The following CRYL1 variants were observed in gnomAD, a reference collection of about 807,000 sequenced individuals.
CRYL1 encodes the protein crystallin lambda 1.
Under a neutral mutation model 36.6 loss-of-function variants are expected in CRYL1, and 29 were observed. The ratio of observed to expected loss-of-function variants is 0.79; its 90% CI spans 0.59 to 1.08. CRYL1 has a LOEUF of 1.08. Ranked by LOEUF, CRYL1 falls within the 50% of genes least tolerant of loss-of-function variation. The pLI, the probability that CRYL1 is intolerant of heterozygous loss-of-function variation, is 0.00. For missense variants in CRYL1, 411 were observed against 407.9 expected (o/e 1.01, Z -0.06); for synonymous variants, 152 against 151.5 (o/e 1.00, Z -0.02).
chr13:20,485,307 C>T (rs2033373709), intron 3 of CRYL1, among the ~76,000 whole-genome samples: 1 of 152,176 alleles, frequency 6.6e-6, no homozygotes, highest in Admixed American at 6.5e-5. Context: ...GTGTGGACCA[C>T]CACGCCCAGC....
intron 3 of CRYL1, among the ~76,000 whole-genome samples, chr13:20,467,652 C>A (rs10162275): frequency 5.9e-5 from 9 of 152,154 alleles, no homozygotes; most frequent in African/African-American, 2.2e-4. Flanking sequence ...CGAAACCCAT[C>A]GCTACTAAAA....
chr13:20,523,150 C>G (rs1401314719), intron 1 of CRYL1, among the ~76,000 whole-genome samples: 1 of 152,082 alleles, frequency 6.6e-6, no homozygotes, highest in African/African-American at 2.4e-5. Context: ...CCCCTGACCT[C>G]AGGTGATCTG....
At chr13:20,514,705 A>T (rs1227556446) in intron 1 of CRYL1, among the ~76,000 whole-genome samples, 9 of 152,206 alleles carry the variant, frequency 5.9e-5, no homozygotes, top group African/African-American at 2.2e-4. Context: ...TGGTTCATTA[A>T]TTGTTACAAA....
At chr13:20,496,844 CAAAAA>C (rs33925139) in intron 2 of CRYL1, among the ~76,000 whole-genome samples, 1 of 120,492 alleles carries the variant, frequency 8.3e-6, no homozygotes, top group Non-Finnish European at 1.6e-5. Context: ...GACCCCGTCT[CAAAAA>C]AAAAAAAAAA....
At chr13:20,449,383 TA>T (rs890688838) in intron 3 of CRYL1, among the ~76,000 whole-genome samples, 1 of 152,088 alleles carries the variant, frequency 6.6e-6, no homozygotes, top group Non-Finnish European at 1.5e-5. Flanking sequence ...TGGTTATTAC[TA>T]AAGTTTTAAA....
At chr13:20,421,153 C>T (rs1235165537) in intron 5 of CRYL1, among the ~76,000 whole-genome samples, 2 of 152,148 alleles carry the variant, frequency 1.3e-5, no homozygotes, top group Admixed American at 6.5e-5. Context: ...GTGCTAATTC[C>T]CTGGTGCACT....
intron 2 of CRYL1, among the ~76,000 whole-genome samples, chr13:20,512,010 T>G (rs1230099689): frequency 6.6e-6 from 1 of 152,246 alleles, no homozygotes; most frequent in Non-Finnish European, 1.5e-5. Flanking sequence ...CAAGATGTTT[T>G]CATTTGGGTC....
intron 3 of CRYL1, among the ~76,000 whole-genome samples, chr13:20,487,312 A>G (rs887748470): frequency 1.3e-5 from 2 of 152,112 alleles, no homozygotes; most frequent in African/African-American, 4.8e-5. Flanking sequence ...TACAAAAGGA[A>G]AAAACATCTA....
intron 5 of CRYL1, among the ~76,000 whole-genome samples, chr13:20,419,362 C>T (rs906513764): frequency 1.4e-4 from 21 of 152,098 alleles, no homozygotes; most frequent in Non-Finnish European, 1.9e-4. Flanking sequence ...GGCAGGATCT[C>T]GGCTCACTGC....
intron 2 of CRYL1, among the ~76,000 whole-genome samples, chr13:20,498,652 T>C (rs1475199435): frequency 6.6e-6 from 1 of 152,186 alleles, no homozygotes; most frequent in Non-Finnish European, 1.5e-5. Flanking sequence ...TAAAATTTGG[T>C]TTTCTCTTTT....
At chr13:20,489,523 G>C (rs759700827) in intron 2 of CRYL1, 27 bp from the exon 3 acceptor site, 3 of 1,610,506 alleles carry the variant, frequency 1.9e-6, no homozygotes, top group Non-Finnish European at 2.5e-6. Context: ...AAGGATCACT[G>C]TGAGTATTCA....
chr13:20,405,793 C>G (rs1030609057), intron 6 of CRYL1: 1 of 152,388 alleles, frequency 6.6e-6, no homozygotes, highest in South Asian at 2.1e-4. Context: ...GGGAGCCGCA[C>G]GGGCTAGGCT....
At chr13:20,431,456 G>C in intron 5 of CRYL1, 1 of 985,430 alleles carries the variant, frequency 1.0e-6, no homozygotes, top group Non-Finnish European at 1.2e-6. Flanking sequence ...CAGATCCCGA[G>C]ACTTCTCCGC....
intron 3 of CRYL1, among the ~76,000 whole-genome samples, chr13:20,462,561 A>C (rs1281677769): frequency 1.3e-5 from 2 of 149,850 alleles, no homozygotes; most frequent in Non-Finnish European, 3.0e-5. Context: ...ATAACTAAGT[A>C]GTTGTTTCAC....
intron 6 of CRYL1, among the ~76,000 whole-genome samples, chr13:20,405,000 T>G (rs1346439788): frequency 2.6e-5 from 4 of 152,268 alleles, no homozygotes; most frequent in Non-Finnish European, 4.4e-5. Context: ...CTGGGCCCGG[T>G]AGCTCATGCC....
rs1227863174 is a variant in CRYL1 at position 20,435,046 on chromosome 13, G to T, written c.439-2750C>A. The stretch of plus-strand genomic sequence containing the variant: ...AGCAGCAGCAGAAAGCTAGGTTCAG[G>T]TGCCGCGGCTGGGGTGGAGCTGTGG... On this transcript the variant is annotated intron_variant, in intron 4 of 7. Transcript: ENST00000298248. This position sits in a 1 kb window ranked among gnomAD's most constrained non-coding sequence, Gnocchi z 4.0. Among the ~76,000 whole-genome samples, 2 of 152,084 alleles carry T rather than the reference G, an allele frequency of 1.3e-5. No individual in the cohort carries two copies. The highest frequency in any genetic ancestry group is 2.9e-5 in the Non-Finnish European group (2 of 68,014).
intron 3 of CRYL1, among the ~76,000 whole-genome samples, chr13:20,485,012 T>TTTG (rs920124290): frequency 3.8e-4 from 57 of 151,946 alleles, no homozygotes; most frequent in African/African-American, 1.0e-3. Flanking sequence ...TGCACTAGGT[T>TTTG]TTGTTGTTGT....
At chr13:20,480,435 A>T (rs1593474650) in intron 3 of CRYL1, among the ~76,000 whole-genome samples, 2 of 152,168 alleles carry the variant, frequency 1.3e-5, no homozygotes, top group Non-Finnish European at 2.9e-5. Flanking sequence ...AAGGGGGAAA[A>T]GCCAAAATGC....
intron 3 of CRYL1, among the ~76,000 whole-genome samples, chr13:20,460,283 A>G (rs1169931995): frequency 6.6e-6 from 1 of 152,198 alleles, no homozygotes; most frequent in African/African-American, 2.4e-5. Flanking sequence ...ATAGATATAA[A>G]TGCTGCCTCC....
Sources: gnomAD v4.1 joint callset for allele counts (sites outside exome capture counted in the v4.1 genomes callset) on GRCh38, gnomAD v4.1.1 for gene constraint, Gnocchi (gnomAD v3.1) non-coding constraint, MANE v1.5 for transcripts, NCBI Gene and HGNC (gene_info 2026-07-23, HGNC 2026-07-21) for gene names.